The following CNBD1 variants were observed in gnomAD, a reference collection of about 807,000 sequenced individuals.
CNBD1 encodes cyclic nucleotide binding domain containing 1, also known as cyclic nucleotide-binding domain-containing protein 1.
CNBD1 carries 71 observed loss-of-function variants against 54.4 expected under a neutral mutation model. That is an observed-to-expected ratio of 1.30 (90% CI 1.08 to 1.59). CNBD1 has a LOEUF of 1.59. Ranked by LOEUF, CNBD1 falls within the 40% of genes most tolerant of loss-of-function variation. CNBD1 has a pLI of 0.00. For synonymous variants in CNBD1, 182 were observed against 170.7 expected (o/e 1.07, Z -0.51); for missense variants, 659 against 518.0 (o/e 1.27, Z -2.64).
chr8:87,083,585 C>CTTT lies in CNBD1; in HGVS notation c.432-122389_432-122387dup, dbSNP rs752855766. On this transcript the variant is annotated intron_variant, in intron 4 of 10. Coordinates refer to ENST00000518476, the MANE Select transcript of CNBD1 (RefSeq NM_173538.3). ...ACTTCTGGACCAAACCAATGTATTT[C>CTTT]TTTTTTTTTTTTTTTTTTTTTGAGA... 7.3e-4 allele frequency among the ~76,000 whole-genome samples: 86 copies of CTTT among 117,142 alleles called. 3 individuals carry two copies. Among genetic ancestry groups the CTTT allele is most frequent in the African/African-American group, 2.4e-3 (74 of 30,304 alleles). The allele number at this position is 117,142 out of a possible 152,430, so 76.8% of individuals were successfully genotyped here.
chr8:87,230,727 G>T (rs1411463645), intron 5 of CNBD1, among the ~76,000 whole-genome samples: 1 of 152,104 alleles, frequency 6.6e-6, no homozygotes, highest in Non-Finnish European at 1.5e-5. Context: ...ACTCTTCATG[G>T]CATGTTTGGT....
chr8:87,261,182 G>A (rs1309819449), intron 6 of CNBD1, among the ~76,000 whole-genome samples: 1 of 152,060 alleles, frequency 6.6e-6, no homozygotes, highest in Non-Finnish European at 1.5e-5. Context: ...AACCCAGTTT[G>A]GATGAGAAAT....
chr8:87,008,979 T>G, intron 4 of CNBD1, among the ~76,000 whole-genome samples: 1 of 152,212 alleles, frequency 6.6e-6, no homozygotes, highest in Middle Eastern at 3.4e-3. Context: ...ATAATTATAA[T>G]TTGGGTTGAA....
At chr8:87,012,730 A>T (rs1809250880) in intron 4 of CNBD1, among the ~76,000 whole-genome samples, 1 of 152,186 alleles carries the variant, frequency 6.6e-6, no homozygotes, top group Non-Finnish European at 1.5e-5. Context: ...CCTTTCTATC[A>T]ATACCAGGTC....
chr8:87,016,522 T>C (rs2462517), intron 4 of CNBD1, among the ~76,000 whole-genome samples: 20,402 of 151,068 alleles, frequency 0.14, 1,841 homozygotes, highest in East Asian at 0.35. Flanking sequence ...AAATAGTTGA[T>C]ATAGGGAAAG....
intron 5 of CNBD1, among the ~76,000 whole-genome samples, chr8:87,229,667 A>G (rs941415557): frequency 6.6e-6 from 1 of 152,032 alleles, no homozygotes; most frequent in East Asian, 1.9e-4. Context: ...TTTTAACTCC[A>G]TTTACAATGT....
chr8:87,288,224 A>C (rs971746517), intron 8 of CNBD1, among the ~76,000 whole-genome samples: 3 of 152,014 alleles, frequency 2.0e-5, no homozygotes. Context: ...CTAACGTAGC[A>C]TATTAATTCT....
At chr8:87,377,090 C>A (rs893551190) in intron 10 of CNBD1, among the ~76,000 whole-genome samples, 6 of 123,892 alleles carry the variant, frequency 4.8e-5, no homozygotes, top group Non-Finnish European at 1.0e-4. Context: ...TATTTTATTT[C>A]TTATTTTTAT....
chr8:87,121,643 A>C (rs1811892308), intron 4 of CNBD1, among the ~76,000 whole-genome samples: 1 of 151,702 alleles, frequency 6.6e-6, no homozygotes, highest in Admixed American at 6.6e-5. Flanking sequence ...GTACCCTTTG[A>C]TCAGCAATTA....
chr8:87,387,752 G>A (rs990077742), downstream of CNBD1, among the ~76,000 whole-genome samples: 8 of 152,148 alleles, frequency 5.3e-5, no homozygotes, highest in Middle Eastern at 3.4e-3. Flanking sequence ...TGCACCAAGA[G>A]GACCTAATAG....
At chr8:87,262,550 G>T (rs1270200524) in intron 6 of CNBD1, among the ~76,000 whole-genome samples, 1 of 152,158 alleles carries the variant, frequency 6.6e-6, no homozygotes, top group African/African-American at 2.4e-5. Context: ...CAGAGAAAAG[G>T]TAAATTTGCT....
chr8:87,400,735 C>G (rs879658411), intron 2 of CNBD1, among the ~76,000 whole-genome samples: 2 of 151,730 alleles, frequency 1.3e-5, no homozygotes, highest in Non-Finnish European at 2.9e-5. Flanking sequence ...CAGAAGAATT[C>G]TCAAAGGAAA....
At chr8:87,389,047 A>G (rs1289070860) in intron 2 of CNBD1, among the ~76,000 whole-genome samples, 2 of 152,228 alleles carry the variant, frequency 1.3e-5, no homozygotes, top group Non-Finnish European at 2.9e-5. Flanking sequence ...ACAGAACTCA[A>G]GAGCCCTTGA....
intron 2 of CNBD1, among the ~76,000 whole-genome samples, chr8:87,425,283 A>G (rs1391792941): frequency 6.6e-6 from 1 of 152,108 alleles, no homozygotes; most frequent in Non-Finnish European, 1.5e-5. Context: ...CCCGTAGCTC[A>G]GAGTAATTTG....
chr8:86,974,990 G>C (rs971344355), intron 4 of CNBD1, among the ~76,000 whole-genome samples: 1 of 151,812 alleles, frequency 6.6e-6, no homozygotes, highest in Non-Finnish European at 1.5e-5. Context: ...AATGTGTTTG[G>C]AAAAAATCTA....
intron 2 of CNBD1, among the ~76,000 whole-genome samples, chr8:87,393,292 T>G (rs2130971286): frequency 6.6e-6 from 1 of 152,002 alleles, no homozygotes; most frequent in South Asian, 2.1e-4. Context: ...TGTGACTAGG[T>G]AATGTTTCTT....
intron 4 of CNBD1, among the ~76,000 whole-genome samples, chr8:87,084,861 G>T (rs1191042710): frequency 6.6e-6 from 1 of 152,012 alleles, no homozygotes; most frequent in African/African-American, 2.4e-5. Context: ...TTTTAGTTGA[G>T]ACGGGGTTTT....
At chr8:87,009,321 G>C (rs561904819) in intron 4 of CNBD1, among the ~76,000 whole-genome samples, 115 of 151,238 alleles carry the variant, frequency 7.6e-4, no homozygotes, top group African/African-American at 2.6e-3. Flanking sequence ...ATTTTTTTGA[G>C]ACAGAATCTC....
chr8:86,984,084 T>C (rs1260981709), intron 4 of CNBD1, among the ~76,000 whole-genome samples: 4 of 152,086 alleles, frequency 2.6e-5, no homozygotes, highest in Non-Finnish European at 5.9e-5. Flanking sequence ...TCTGCTGTGT[T>C]CAGTTTAGGG....
Sources: gnomAD v4.1 joint callset for allele counts (sites outside exome capture counted in the v4.1 genomes callset) on GRCh38, gnomAD v4.1.1 for gene constraint, MANE v1.5 for transcripts, NCBI Gene and HGNC (gene_info 2026-07-23, HGNC 2026-07-21) for gene names.